TRPM3: variants seen among roughly 807,000 people sequenced by gnomAD.
TRPM3 encodes transient receptor potential cation channel subfamily M member 3.
TRPM3 carries 77 observed loss-of-function variants against 181.2 expected under a neutral mutation model. That is an observed-to-expected ratio of 0.42 (90% CI 0.35 to 0.51). The LOEUF (loss-of-function observed/expected upper bound fraction) is 0.51, where lower values mean the gene tolerates loss of function less well. TRPM3 is among the 20% of genes least tolerant of loss of function. The probability of loss-of-function intolerance (pLI) is 0.01; values close to 1 mark genes in which losing one functional copy is unlikely to be tolerated. For synonymous variants in TRPM3, 745 were observed against 796.4 expected, an observed-to-expected ratio of 0.94 and a Z score of 1.09; for missense variants, 1,759 against 2,196.7, an observed-to-expected ratio of 0.80 and a Z score of 3.98.
intron 1 of TRPM3, among the ~76,000 whole-genome samples, chr9:71,028,415 T>A (rs953836191): frequency 6.6e-6 from 1 of 152,036 alleles, no homozygotes; most frequent in Non-Finnish European, 1.5e-5. Flanking sequence ...CAAATTAGCA[T>A]AACAAAGAGC....
intron 11 of TRPM3, 22 bp downstream of exon 11, chr9:70,639,038 A>C (rs2057661133): frequency 1.2e-6 from 2 of 1,607,330 alleles, no homozygotes; most frequent in Non-Finnish European, 1.7e-6. Context: ...AGAAAATAAA[A>C]AGTGCCTTAG....
chr9:71,115,295 C>A (rs2072096912), intron 1 of TRPM3, among the ~76,000 whole-genome samples: 1 of 152,146 alleles, frequency 6.6e-6, no homozygotes, highest in Non-Finnish European at 1.5e-5. Flanking sequence ...AATTCCTGAA[C>A]CCACCACCTA....
chr9:70,792,488 TGAAA>T (rs1047360580), intron 6 of TRPM3, among the ~76,000 whole-genome samples: 12 of 144,638 alleles, frequency 8.3e-5, no homozygotes, highest in African/African-American at 2.6e-4. Flanking sequence ...AAAGAATCTA[TGAAA>T]GAGAGGGAAA....
intron 1 of TRPM3, among the ~76,000 whole-genome samples, chr9:71,381,742 G>A (rs1291277868): frequency 6.6e-6 from 1 of 152,092 alleles, no homozygotes; most frequent in Non-Finnish European, 1.5e-5. Context: ...GTCTATCTCA[G>A]AGCCCATACA....
chr9:70,853,027 G>C (rs1589247374), intron 3 of TRPM3, among the ~76,000 whole-genome samples: 1 of 152,292 alleles, frequency 6.6e-6, no homozygotes, highest in East Asian at 1.9e-4. Flanking sequence ...GCTTTGAGGG[G>C]AGAGACTGTG....
In TRPM3 at chr9:70,535,480, T is replaced by C; in HGVS notation, c.*473A>G. ...CATCAGTCACCAGTGATGGAGCCAA[T>C]GTGAAAAGAAAACAGAATGGAAGTT... is the stretch of plus-strand genomic sequence containing the variant. On this transcript the variant is annotated 3_prime_UTR_variant, in exon 26 of 26. Transcript: ENST00000677713. 1.3e-6 allele frequency: 2 copies of C among 1,550,510 alleles called. No individual in the cohort carries two copies. The highest frequency in any genetic ancestry group is 1.7e-6 in the Non-Finnish European group (2 of 1,146,990).
intron 1 of TRPM3, among the ~76,000 whole-genome samples, chr9:70,885,117 G>T (rs987728786): frequency 6.6e-6 from 1 of 152,018 alleles, no homozygotes; most frequent in South Asian, 2.1e-4. Flanking sequence ...TTTCTAACAG[G>T]CTAACACTCT....
At chr9:71,377,272 TA>T (rs1293130065) in intron 1 of TRPM3, among the ~76,000 whole-genome samples, 1 of 152,108 alleles carries the variant, frequency 6.6e-6, no homozygotes, top group African/African-American at 2.4e-5. Flanking sequence ...ATATGGACTT[TA>T]AAAGCCCTCT....
At chr9:70,861,110 T>G (rs2095509146) in intron 3 of TRPM3, among the ~76,000 whole-genome samples, 1 of 152,182 alleles carries the variant, frequency 6.6e-6, no homozygotes, top group South Asian at 2.1e-4. Context: ...AAACTTTATC[T>G]TCATAGAATA....
intron 9 of TRPM3, among the ~76,000 whole-genome samples, chr9:70,647,968 AG>A (rs2133735001): frequency 6.6e-6 from 1 of 152,354 alleles, no homozygotes; most frequent in East Asian, 1.9e-4. Flanking sequence ...TAAAGTATTT[AG>A]GAATACCTAG....
intron 1 of TRPM3, among the ~76,000 whole-genome samples, chr9:71,168,225 C>T (rs184351311): frequency 1.6e-4 from 24 of 152,276 alleles, no homozygotes; most frequent in South Asian, 8.3e-4. Flanking sequence ...AAGTGGTATG[C>T]ACAACTGGAA....
intron 22 of TRPM3, among the ~76,000 whole-genome samples, chr9:70,562,858 C>T (rs1420015014): frequency 1.3e-5 from 2 of 152,046 alleles, no homozygotes; most frequent in Non-Finnish European, 2.9e-5. Flanking sequence ...CTAAACTAGC[C>T]TATTGTACAC....
chr9:70,626,920 T>G (rs2064738989), intron 12 of TRPM3, among the ~76,000 whole-genome samples: 1 of 152,208 alleles, frequency 6.6e-6, no homozygotes, highest in Non-Finnish European at 1.5e-5. Context: ...GTTTCTTGTT[T>G]GATTTATCTT....
At chr9:71,197,707 T>C (rs1218994583) in intron 1 of TRPM3, among the ~76,000 whole-genome samples, 4 of 151,814 alleles carry the variant, frequency 2.6e-5, no homozygotes, top group Non-Finnish European at 4.4e-5. Context: ...CGCCCACTTT[T>C]TGATGGGGTT....
At chr9:71,196,740 G>A (rs910257370) in intron 1 of TRPM3, among the ~76,000 whole-genome samples, 4 of 151,924 alleles carry the variant, frequency 2.6e-5, no homozygotes, top group Non-Finnish European at 5.9e-5. Flanking sequence ...AGTATTTGTA[G>A]GACTTACATG....
chr9:70,550,887 C>G (rs922255213), intron 24 of TRPM3, among the ~76,000 whole-genome samples: 3 of 152,140 alleles, frequency 2.0e-5, no homozygotes, highest in Non-Finnish European at 4.4e-5. Context: ...TGAGGAAGAC[C>G]TGTATCACAG....
intron 1 of TRPM3, among the ~76,000 whole-genome samples, chr9:71,285,920 A>G (rs1032561727): frequency 1.3e-5 from 2 of 152,212 alleles, no homozygotes; most frequent in Admixed American, 6.5e-5. Context: ...CATAAGCAGG[A>G]AGACTTATAA....
chr9:70,737,960 G>A (rs1213693109), intron 8 of TRPM3, among the ~76,000 whole-genome samples: 1 of 152,112 alleles, frequency 6.6e-6, no homozygotes, highest in South Asian at 2.1e-4. Context: ...CACCAGACAG[G>A]TCATCAAGAC....
chr9:70,969,811 G>A (rs62543207), intron 1 of TRPM3, among the ~76,000 whole-genome samples: 42,933 of 139,176 alleles, frequency 0.31, 6,476 homozygotes, highest in East Asian at 0.39. Flanking sequence ...ATATAATTAT[G>A]TGTATGTTAT....
Sources: allele counts gnomAD v4.1 joint callset (sites outside exome capture counted in the v4.1 genomes callset), GRCh38; gene constraint gnomAD v4.1.1; transcripts MANE v1.5; gene names NCBI Gene and HGNC (gene_info 2026-07-23, HGNC 2026-07-21).